The following PCDHGB5 variants were observed in gnomAD, a reference collection of about 807,000 sequenced individuals.
The protein encoded by PCDHGB5 is protocadherin gamma-B5.
PCDHGB5 carries 48 observed loss-of-function variants against 62.9 expected under a neutral mutation model. The observed-to-expected ratio is 0.76, with a 90% confidence interval of 0.61 to 0.97. PCDHGB5 has a LOEUF of 0.97. Ranked by LOEUF, PCDHGB5 falls within the 50% of genes least tolerant of loss-of-function variation. The probability of loss-of-function intolerance (pLI) is 0.00; values close to 1 mark genes in which losing one functional copy is unlikely to be tolerated. For synonymous variants in PCDHGB5, 474 were observed against 511.2 expected (o/e 0.93, Z 0.98); for missense variants, 1,118 against 1,198.6 (o/e 0.93, Z 0.99).
intron 1 of PCDHGB5, chr5:141,415,403 A>C (rs757508926): frequency 4.3e-6 from 7 of 1,614,082 alleles, no homozygotes; most frequent in Non-Finnish European, 4.2e-6. Context: ...TCCGGCTCGC[A>C]CTTTGTGGGC....
At chr5:141,457,063 G>A (rs1477613746) in intron 1 of PCDHGB5, among the ~76,000 whole-genome samples, 1 of 152,104 alleles carries the variant, frequency 6.6e-6, no homozygotes, top group East Asian at 1.9e-4. Context: ...CTTCCTTTTT[G>A]CCAGTAACTA....
rs900884760 is a variant in PCDHGB5, at chr5:141,414,031, C to T, written c.2397+13507C>T. ...CAATGGAGAAGTGACATATTCATTC[C>T]GAAAATTACCTGACACGCAATTGTT... On this transcript the variant is annotated intron_variant, in intron 1 of 3. Coordinates refer to ENST00000617380, the MANE Select transcript of PCDHGB5 (RefSeq NM_018925.3). 4 of 1,611,858 alleles carry T rather than the reference C, an allele frequency of 2.5e-6. No homozygotes were observed. The Admixed American group carries it at 6.7e-5, about 27-fold the overall frequency.
intron 1 of PCDHGB5, among the ~76,000 whole-genome samples, chr5:141,484,306 C>T (rs1009067603): frequency 6.6e-6 from 1 of 152,184 alleles, no homozygotes; most frequent in African/African-American, 2.4e-5. Context: ...GCTTCCTCCA[C>T]CCCGCTTCCA....
chr5:141,465,800 C>G (rs1486100601), intron 1 of PCDHGB5, among the ~76,000 whole-genome samples: 2 of 151,524 alleles, frequency 1.3e-5, no homozygotes, highest in East Asian at 3.9e-4. Flanking sequence ...TTTAAGAAAC[C>G]CTTCAGGATC....
At chr5:141,498,318 G>T (rs927950671) in intron 2 of PCDHGB5, among the ~76,000 whole-genome samples, 2 of 151,792 alleles carry the variant, frequency 1.3e-5, no homozygotes, top group African/African-American at 4.8e-5. Flanking sequence ...TGCCTACACA[G>T]AAGGAAGAGC....
intron 1 of PCDHGB5, chr5:141,409,594 C>A: frequency 1.2e-6 from 2 of 1,613,900 alleles, no homozygotes; most frequent in Non-Finnish European, 1.7e-6. Flanking sequence ...TGGCCGAGAA[C>A]AACCCGCCAG....
At position 141,398,835 on chromosome 5, in the gene PCDHGB5, T is replaced by C. The variant is rs371527677; in HGVS notation, c.708T>C (p.Asn236=). The C allele has an allele frequency of 2.0e-5, 33 of 1,613,914 alleles. No homozygotes were observed. In the African/African-American group the frequency reaches 3.7e-4, roughly 18 times the overall value. ...TELRIQVTDA[N]DNPPVFNRDV... is the part of the protein sequence containing the mutation. ...TCCGGATCCAGGTAACCGACGCCAA[T>C]GATAATCCCCCGGTATTCAACCGAG... The change falls in exon 1 of 4, where the codon AAT becomes AAC. Residue 236 remains asparagine (N), a synonymous_variant. Transcript: ENST00000617380.
rs2097718776 is a variant in PCDHGB5, at chr5:141,434,813, T to C, written c.2397+34289T>C. On this transcript the variant is annotated intron_variant, in intron 1 of 3. Coordinates refer to ENST00000617380, the MANE Select transcript of PCDHGB5 (RefSeq NM_018925.3). ...TTTTTTCTGAGCTTGGAGAAATATA[T>C]CCCTTAGTACACTTGGCATTTATAA... Among the ~76,000 whole-genome samples, 5 of 151,962 alleles carry C rather than the reference T, an allele frequency of 3.3e-5. No individual in the cohort carries two copies. In the South Asian group the frequency reaches 1.0e-3, roughly 32 times the overall value.
chr5:141,425,943 C>A (rs2096904576), intron 1 of PCDHGB5, among the ~76,000 whole-genome samples: 1 of 152,220 alleles, frequency 6.6e-6, no homozygotes, highest in Non-Finnish European at 1.5e-5. Flanking sequence ...TGTCTAGTTT[C>A]CTATACATTA....
At chr5:141,436,318 CTG>C (rs1309397202) in intron 1 of PCDHGB5, among the ~76,000 whole-genome samples, 1 of 152,154 alleles carries the variant, frequency 6.6e-6, no homozygotes, top group Non-Finnish European at 1.5e-5. Flanking sequence ...ATAGTCAAGA[CTG>C]TTAGACCATA....
At chr5:141,415,114 G>T in intron 1 of PCDHGB5, 5 of 1,613,648 alleles carry the variant, frequency 3.1e-6, no homozygotes, top group Non-Finnish European at 4.2e-6. Flanking sequence ...GCAAAGCCTC[G>T]TAGTGGCCGT....
chr5:141,505,803 C>T (rs920849273), intron 3 of PCDHGB5, among the ~76,000 whole-genome samples: 29 of 152,116 alleles, frequency 1.9e-4, no homozygotes, highest in African/African-American at 6.5e-4. Flanking sequence ...GGACTTGGAT[C>T]GACTTGCTCA....
At chr5:141,509,040 C>G (rs1217864661) in intron 3 of PCDHGB5, among the ~76,000 whole-genome samples, 1 of 152,132 alleles carries the variant, frequency 6.6e-6, no homozygotes, top group Non-Finnish European at 1.5e-5. Context: ...CAACCCCTCT[C>G]CCCCGCCCCC....
intron 2 of PCDHGB5, among the ~76,000 whole-genome samples, chr5:141,505,172 A>C (rs1336105711): frequency 6.6e-6 from 1 of 152,178 alleles, no homozygotes; most frequent in Non-Finnish European, 1.5e-5. Context: ...AAACAAAAAG[A>C]AAAAAGCATC....
intron 3 of PCDHGB5, among the ~76,000 whole-genome samples, chr5:141,508,943 CAG>C (rs1562237475): frequency 1.3e-5 from 2 of 151,982 alleles, no homozygotes; most frequent in Admixed American, 6.6e-5. Context: ...TTAGGGAAAA[CAG>C]AGAAATGTCA....
chr5:141,486,371 G>T lies in PCDHGB5; in HGVS notation c.2398-8436G>T. 1.9e-6 allele frequency: 3 copies of T among 1,614,138 alleles called. No homozygotes were observed. The highest frequency in any genetic ancestry group is 2.5e-6 in the Non-Finnish European group (3 of 1,180,010). On this transcript the variant is annotated intron_variant, in intron 1 of 3. Coordinates refer to ENST00000617380, the MANE Select transcript of PCDHGB5 (RefSeq NM_018925.3). The surrounding 1 kb of genome is among the most constrained non-coding windows in gnomAD (Gnocchi z 5.0). ...CCACTTGCCATTTGCCCTCAAGTCT[G>T]CCTTCAGGAACCAGTTCTCCCTGGT...
chr5:141,413,302 T>C (rs746274089), intron 1 of PCDHGB5: 2 of 1,613,960 alleles, frequency 1.2e-6, no homozygotes, highest in Non-Finnish European at 8.5e-7. Context: ...TCCTGAGGAA[T>C]TAGAGAAAGG....
In PCDHGB5 at chr5:141,398,897, C is replaced by A. The variant is rs761364649; in HGVS notation, c.770C>A (p.Pro257Gln). Residue 257 changes from proline to glutamine, a missense_variant, in exon 1 of 4, where the codon CCA becomes CAA. By Grantham distance (76) the Pro-to-Gln change is moderately conservative. This residue lies in a region of PCDHGB5 where 1,034 missense variants were observed against 1,029.1 expected (regional missense o/e 1.00). Coordinates refer to ENST00000617380, the MANE Select transcript of PCDHGB5 (RefSeq NM_018925.3). ...YRVSLRENVP[P>Q]GTTVLQVSAT... is the part of the protein sequence containing the mutation. The stretch of plus-strand genomic sequence containing the variant: ...GTCAGCCTTCGGGAAAACGTGCCAC[C>A]AGGCACCACTGTGTTGCAAGTGTCA... 6 of 1,613,932 alleles carry A rather than the reference C, an allele frequency of 3.7e-6. No homozygotes were observed. The South Asian group carries it at 6.6e-5, about 18-fold the overall frequency.
chr5:141,454,618 C>T (rs1259161504), intron 1 of PCDHGB5, among the ~76,000 whole-genome samples: 1 of 151,470 alleles, frequency 6.6e-6, no homozygotes, highest in Non-Finnish European at 1.5e-5. Flanking sequence ...GTTGGTCAGG[C>T]TGGTCTCGAA....
Sources: allele counts gnomAD v4.1 joint callset (sites outside exome capture counted in the v4.1 genomes callset), GRCh38; gene constraint gnomAD v4.1.1; regional missense constraint gnomAD v4.1.1; non-coding constraint Gnocchi (gnomAD v3.1); transcripts MANE v1.5; gene names NCBI Gene and HGNC (gene_info 2026-07-23, HGNC 2026-07-21).